The following DPY19L1 variants were observed in gnomAD, a reference collection of about 807,000 sequenced individuals.
DPY19L1 encodes the protein protein C-mannosyl-transferase DPY19L1.
DPY19L1 carries 35 observed loss-of-function variants against 96.9 expected under a neutral mutation model. The observed-to-expected ratio is 0.36, with a 90% CI of 0.28 to 0.48. DPY19L1 has a LOEUF of 0.48. Ranked by LOEUF, DPY19L1 falls within the 20% of genes least tolerant of loss-of-function variation. DPY19L1 has a pLI of 0.99. For synonymous variants in DPY19L1, 205 were observed against 252.6 expected (o/e 0.81, Z 1.79); for missense variants, 521 against 777.9 (o/e 0.67, Z 3.93).
At chr7:34,976,497 A>G (rs1784833434) in intron 7 of DPY19L1, among the ~76,000 whole-genome samples, 1 of 152,236 alleles carries the variant, frequency 6.6e-6, no homozygotes, top group Non-Finnish European at 1.5e-5. Context: ...AAAAGGATTT[A>G]GAACATGACA....
chr7:34,935,255 G>A (rs1783843929), intron 21 of DPY19L1, among the ~76,000 whole-genome samples: 1 of 152,106 alleles, frequency 6.6e-6, no homozygotes, highest in Non-Finnish European at 1.5e-5. Context: ...GCAAACAGCT[G>A]TCTTGGGGAG....
chr7:35,026,305 C>A (rs1786119091), intron 1 of DPY19L1, among the ~76,000 whole-genome samples: 2 of 152,274 alleles, frequency 1.3e-5, no homozygotes, highest in South Asian at 4.1e-4. Flanking sequence ...GATTCCCAAT[C>A]CACATTTTAA....
At chr7:34,950,176 G>A (rs1197410186) in intron 13 of DPY19L1, among the ~76,000 whole-genome samples, 2 of 152,114 alleles carry the variant, frequency 1.3e-5, no homozygotes, top group Non-Finnish European at 2.9e-5. Flanking sequence ...GCTAAACCTG[G>A]TGAAACAGGC....
At chr7:34,939,740 T>C (rs1276253200) in intron 19 of DPY19L1, among the ~76,000 whole-genome samples, 1 of 152,234 alleles carries the variant, frequency 6.6e-6, no homozygotes, top group Non-Finnish European at 1.5e-5. Flanking sequence ...TTCAATCATT[T>C]GATACTCAGA....
At chr7:34,958,338 C>T (rs1360725817) in intron 10 of DPY19L1, among the ~76,000 whole-genome samples, 1 of 152,176 alleles carries the variant, frequency 6.6e-6, no homozygotes, top group Admixed American at 6.5e-5. Context: ...ACAAGCTGTA[C>T]TATTTCTTGC....
chr7:34,991,221 G>T (rs1785161365), intron 6 of DPY19L1, among the ~76,000 whole-genome samples: 1 of 152,234 alleles, frequency 6.6e-6, no homozygotes, highest in Non-Finnish European at 1.5e-5. Flanking sequence ...TCACATTTCA[G>T]GAGAGTGGTA....
At chr7:34,967,138 A>T (rs1173335357) in intron 9 of DPY19L1, among the ~76,000 whole-genome samples, 167 bp from the exon 10 acceptor site, 3 of 152,184 alleles carry the variant, frequency 2.0e-5, no homozygotes, top group African/African-American at 7.2e-5. Context: ...ATATATTAGT[A>T]TAGAAAATAT....
intron 9 of DPY19L1, among the ~76,000 whole-genome samples, chr7:34,968,844 A>T (rs1784665994): frequency 6.6e-6 from 1 of 151,734 alleles, no homozygotes; most frequent in Non-Finnish European, 1.5e-5. Context: ...ATAAAAAAAA[A>T]TAGTACGCAG....
chr7:34,946,494 A>C (rs1456350025), intron 15 of DPY19L1, among the ~76,000 whole-genome samples: 1 of 152,238 alleles, frequency 6.6e-6, no homozygotes, highest in Non-Finnish European at 1.5e-5. Context: ...AATAGTTTTC[A>C]TCATCTCTCA....
chr7:35,002,703 A>C (rs1785457353), intron 6 of DPY19L1, among the ~76,000 whole-genome samples: 1 of 152,236 alleles, frequency 6.6e-6, no homozygotes, highest in South Asian at 2.1e-4. Context: ...AAGGTCACAT[A>C]CAAAGGTTTA....
At position 34,969,725 on chromosome 7, in the gene DPY19L1, C is replaced by T. The variant is rs1324451021; in HGVS notation, c.915-193G>A. On this transcript the variant is annotated intron_variant, in intron 8 of 21. Transcript: ENST00000638088. ...AACAATTTTCTTTGAAAGGTAAATA[C>T]CCATTTGCTAACAATAACACAGAGA... 5.3e-5 allele frequency among the ~76,000 whole-genome samples: 8 copies of T among 152,214 alleles called. No individual in the cohort carries two copies. In the South Asian group the frequency reaches 1.7e-3, roughly 32 times the overall value.
At chr7:34,982,663 G>A (rs936760669) in intron 7 of DPY19L1, among the ~76,000 whole-genome samples, 1 of 152,194 alleles carries the variant, frequency 6.6e-6, no homozygotes, top group Admixed American at 6.5e-5. Context: ...TCTGCCATAG[G>A]CAGAGAGTCT....
At chr7:34,933,530 G>C (rs556021343) in intron 21 of DPY19L1, among the ~76,000 whole-genome samples, 23 of 152,332 alleles carry the variant, frequency 1.5e-4, no homozygotes, top group Non-Finnish European at 2.9e-4. Flanking sequence ...GTGTCTGTGA[G>C]GGTGTTGCCA....
intron 1 of DPY19L1, among the ~76,000 whole-genome samples, chr7:35,032,596 C>T (rs1184661819): frequency 6.6e-6 from 1 of 152,048 alleles, no homozygotes; most frequent in Non-Finnish European, 1.5e-5. Flanking sequence ...AGTACATCTC[C>T]ACTCAGACCT....
Position 34,958,074 on chromosome 7 carries a change from GA to G in DPY19L1, c.1093-5del. On this transcript the variant is annotated splice_region_variant and splice_polypyrimidine_tract_variant and intron_variant, in intron 10 of 21. Coordinates refer to ENST00000638088, the MANE Select transcript of DPY19L1 (RefSeq NM_001366673.1). ...CAAAACAAAGTGCAAGAGAAATCTG[GA>G]AAAATCCAAGAAAAAAATATAAGTA... 1 of 1,560,638 alleles carries G rather than the reference GA, an allele frequency of 6.4e-7. No homozygotes were observed. Among genetic ancestry groups the G allele is most frequent in the Non-Finnish European group, 8.6e-7 (1 of 1,161,982 alleles).
At chr7:34,991,664 T>C (rs1306230571) in intron 6 of DPY19L1, among the ~76,000 whole-genome samples, 1 of 152,168 alleles carries the variant, frequency 6.6e-6, no homozygotes, top group Non-Finnish European at 1.5e-5. Context: ...TAGAAGTTTA[T>C]AGGGGAAAAA....
chr7:35,012,123 A>C (rs560277257), intron 4 of DPY19L1, among the ~76,000 whole-genome samples: 2 of 152,250 alleles, frequency 1.3e-5, no homozygotes, highest in Admixed American at 6.5e-5. Context: ...AAGTAAATTC[A>C]CTCAAGGTGA....
In DPY19L1 at chr7:34,928,901, T is replaced by A. The variant is rs1448524121; in HGVS notation, c.*2672A>T. The A allele has an allele frequency of 4.6e-5, 7 of 152,220 alleles. No homozygotes were observed. Among genetic ancestry groups the A allele is most frequent in the East Asian group, 1.9e-4 (1 of 5,196 alleles). 9.4% of individuals were successfully genotyped at this position (152,220 alleles called of 1,614,324 possible). A position where few individuals can be genotyped will look rare whatever the true frequency, so the allele number is the denominator to read the frequency against. On this transcript the variant is annotated 3_prime_UTR_variant, in exon 22 of 22. Transcript: ENST00000638088. The stretch of plus-strand genomic sequence containing the variant: ...TTCCCTCATTACTCATGATTTTTTT[T>A]AATTTAACATATATAGTACATGTAA...
chr7:35,014,611 A>G (rs1785798392), intron 3 of DPY19L1, among the ~76,000 whole-genome samples: 1 of 152,182 alleles, frequency 6.6e-6, no homozygotes, highest in Non-Finnish European at 1.5e-5. Context: ...AAACTTATTG[A>G]AAAAGAAAAA....
Sources: allele counts gnomAD v4.1 joint callset (sites outside exome capture counted in the v4.1 genomes callset), GRCh38; gene constraint gnomAD v4.1.1; transcripts MANE v1.5; gene names NCBI Gene and HGNC (gene_info 2026-07-23, HGNC 2026-07-21).